The following CNTFR variants were observed in gnomAD, a reference collection of about 807,000 sequenced individuals.
CNTFR encodes the protein ciliary neurotrophic factor receptor, also known as ciliary neurotrophic factor receptor subunit alpha.
CNTFR carries 12 observed loss-of-function variants against 40.4 expected under a neutral mutation model. The ratio of observed to expected loss-of-function variants is 0.30; its 90% CI spans 0.19 to 0.48. CNTFR has a LOEUF of 0.48. Ranked by LOEUF, CNTFR falls within the 20% of genes least tolerant of loss-of-function variation. The pLI, the probability that CNTFR is intolerant of heterozygous loss-of-function variation, is 0.99. For missense variants in CNTFR, 414 were observed against 506.8 expected (o/e 0.82, Z 1.76); for synonymous variants, 202 against 209.6 (o/e 0.96, Z 0.31).
intron 2 of CNTFR, among the ~76,000 whole-genome samples, chr9:34,580,531 C>T (rs1201461164): frequency 6.6e-6 from 1 of 152,212 alleles, no homozygotes; most frequent in Non-Finnish European, 1.5e-5. Context: ...GCCCGGCCGG[C>T]CTTTGTGGGC....
upstream of CNTFR, among the ~76,000 whole-genome samples, chr9:34,590,793 A>G (rs149568655): frequency 1.1e-4 from 17 of 152,328 alleles, no homozygotes; most frequent in Non-Finnish European, 2.4e-4. Flanking sequence ...GCTGCAACAT[A>G]GGAGAGTAAG....
rs1825642166 is a variant in CNTFR, at chr9:34,552,008, A to T, written c.*63T>A. 6.5e-6 allele frequency: 6 copies of T among 928,892 alleles called. No homozygotes were observed. Among genetic ancestry groups the T allele is most frequent in the Non-Finnish European group, 1.0e-5 (6 of 574,704 alleles). The allele number at this position is 928,892 out of a possible 1,614,324, so 57.5% of individuals were successfully genotyped here. A position where few individuals can be genotyped will look rare whatever the true frequency, so the allele number is the denominator to read the frequency against. On this transcript the variant is annotated 3_prime_UTR_variant, in exon 10 of 10. Coordinates refer to ENST00000378980, the MANE Select transcript of CNTFR (RefSeq NM_147164.3). This position sits in a 1 kb window ranked among gnomAD's most constrained non-coding sequence, Gnocchi z 5.1. The stretch of plus-strand genomic sequence containing the variant: ...GTGCAAAATAGAAACCGGGGTCTGC[A>T]GGCTCAGCTCCGGCCTCCTGCTCCT...
In CNTFR at chr9:34,552,016, C is replaced by T; in HGVS notation, c.*55G>A. 9.8e-7 allele frequency: 1 copy of T among 1,017,438 alleles called. No individual in the cohort carries two copies. Among genetic ancestry groups the T allele is most frequent in the Non-Finnish European group, 1.5e-6 (1 of 653,716 alleles). The allele number at this position is 1,017,438 out of a possible 1,614,324, so 63.0% of individuals were successfully genotyped here. On this transcript the variant is annotated 3_prime_UTR_variant, in exon 10 of 10. Coordinates refer to ENST00000378980, the MANE Select transcript of CNTFR (RefSeq NM_147164.3). This position sits in a 1 kb window ranked among gnomAD's most constrained non-coding sequence, Gnocchi z 5.1. ...TAGAAACCGGGGTCTGCAGGCTCAG[C>T]TCCGGCCTCCTGCTCCTCTGCAGGT...
At chr9:34,565,979 C>A (rs1826268694) in intron 3 of CNTFR, among the ~76,000 whole-genome samples, 1 of 152,170 alleles carries the variant, frequency 6.6e-6, no homozygotes, top group South Asian at 2.1e-4. Context: ...CTCGTTAACA[C>A]TCGCTTACAT....
chr9:34,563,170 C>G (rs1035261448), intron 4 of CNTFR, among the ~76,000 whole-genome samples: 5 of 152,220 alleles, frequency 3.3e-5, no homozygotes, highest in Non-Finnish European at 1.5e-5. Flanking sequence ...TCCCACTGAA[C>G]AGGTCTGCAG....
chr9:34,560,398 C>T (rs372623518), intron 4 of CNTFR, among the ~76,000 whole-genome samples: 19 of 152,162 alleles, frequency 1.2e-4, no homozygotes, highest in South Asian at 2.1e-4. Context: ...TTGCACGTGA[C>T]TCAGGGTGAG....
chr9:34,587,503 G>T (rs1268167071), intron 1 of CNTFR, among the ~76,000 whole-genome samples: 1 of 152,018 alleles, frequency 6.6e-6, no homozygotes, highest in African/African-American at 2.4e-5. Context: ...ACCCATGGAG[G>T]TCTAACCCCC....
chr9:34,566,314 G>A (rs936135385), intron 3 of CNTFR, among the ~76,000 whole-genome samples: 6 of 152,164 alleles, frequency 3.9e-5, no homozygotes, highest in Non-Finnish European at 8.8e-5. Context: ...CCCTGTCAGA[G>A]AAGAAGGAAG....
At chr9:34,589,961 G>A (rs1827711147), upstream of CNTFR, 2 of 151,992 alleles carry the variant, frequency 1.3e-5, no homozygotes, top group African/African-American at 4.9e-5. The surrounding 1 kb of genome is among the most constrained non-coding windows in gnomAD (Gnocchi z 4.4). Flanking sequence ...TGGCACACGC[G>A]GTCCGCTCGC....
chr9:34,576,160 C>T (rs1826951240), intron 2 of CNTFR, among the ~76,000 whole-genome samples: 1 of 152,212 alleles, frequency 6.6e-6, no homozygotes, highest in Admixed American at 6.5e-5. Flanking sequence ...CAGACACACC[C>T]AGGCAGCCTC....
intron 2 of CNTFR, among the ~76,000 whole-genome samples, chr9:34,578,571 C>CGGCCCCA (rs1462017341): frequency 1.3e-5 from 2 of 152,196 alleles, no homozygotes; most frequent in African/African-American, 4.8e-5. Flanking sequence ...ATGTGGGACC[C>CGGCCCCA]GGCCCCAGCT....
intron 2 of CNTFR, among the ~76,000 whole-genome samples, chr9:34,577,156 G>T (rs927762354): frequency 1.1e-4 from 16 of 152,184 alleles, no homozygotes; most frequent in Admixed American, 1.0e-3. Flanking sequence ...GAGTAGACGC[G>T]GAGTCGCTGT....
At chr9:34,569,630 C>A (rs1826488565) in intron 2 of CNTFR, 1 of 152,744 alleles carries the variant, frequency 6.5e-6, no homozygotes, top group Non-Finnish European at 1.5e-5. Flanking sequence ...AGCCTTGCCA[C>A]TGGGCCCTGA....
At position 34,552,396 on chromosome 9, in the gene CNTFR, G is replaced by A; in HGVS notation, c.950-67C>T. 1 of 1,439,280 alleles carries A rather than the reference G, an allele frequency of 6.9e-7. No individual in the cohort carries two copies. Among genetic ancestry groups the A allele is most frequent in the Non-Finnish European group, 9.3e-7 (1 of 1,077,116 alleles). The allele number at this position is 1,439,280 out of a possible 1,614,324, so 89.2% of individuals were successfully genotyped here. A position where few individuals can be genotyped will look rare whatever the true frequency, so the allele number is the denominator to read the frequency against. On this transcript the variant is annotated intron_variant, in intron 8 of 9. Transcript: ENST00000378980. The surrounding 1 kb of genome is among the most constrained non-coding windows in gnomAD (Gnocchi z 5.1). Reference sequence around the variant, plus strand: ...GTCCCATCCAGATCTGGGGGCTCATGAGACATACCATTCTGCTTCCTGCAT... The same window carrying A: ...GTCCCATCCAGATCTGGGGGCTCATAAGACATACCATTCTGCTTCCTGCAT...
intron 1 of CNTFR, among the ~76,000 whole-genome samples, chr9:34,586,228 G>A (rs1013761563): frequency 6.6e-6 from 1 of 152,172 alleles, no homozygotes; most frequent in African/African-American, 2.4e-5. Context: ...CTGCTCTTTT[G>A]GGGAACAGAG....
rs369645408 is a variant in CNTFR, at chr9:34,552,176, C to CTGGCAG, written c.1097_1102dup (p.Thr366_Ala367dup). On this transcript the variant is annotated inframe_insertion, in exon 9 of 10. Transcript: ENST00000378980. This position sits in a 1 kb window ranked among gnomAD's most constrained non-coding sequence, Gnocchi z 5.1. ...CTCAACCTACCAGATCAAGAGACTG[C>CTGGCAG]TGGCAGTGGCGGCAGCGGCAGCCAG... 2.9e-4 allele frequency: 458 copies of CTGGCAG among 1,597,730 alleles called. 1 individual carries two copies. The African/African-American group carries it at 5.7e-3, about 20-fold the overall frequency.
Position 34,551,871 on chromosome 9 carries a change from G to A in CNTFR, c.*200C>T. 1.5e-6 allele frequency: 1 copy of A among 681,344 alleles called. No homozygotes were observed. The allele number at this position is 681,344 out of a possible 1,614,324, so 42.2% of individuals were successfully genotyped here. ...TAGCTGCATGGCCCACCTCCCCTGA[G>A]GGAGGAAGGAGGGCCAGCTTGGTGC... is the stretch of plus-strand genomic sequence containing the variant. On this transcript the variant is annotated 3_prime_UTR_variant, in exon 10 of 10. Transcript: ENST00000378980.
In CNTFR at chr9:34,557,595, C is replaced by T. The variant is rs1446212493; in HGVS notation, c.535G>A (p.Val179Ile). Residue 179 changes from valine to isoleucine, a missense_variant, in exon 6 of 10, where the codon GTC becomes ATC. Physicochemically the swap from Val to Ile is conservative, Grantham distance 29. Transcript: ENST00000378980. The surrounding 1 kb of genome is among the most constrained non-coding windows in gnomAD (Gnocchi z 4.2). ...MHLFSTIKYK[V>I]SISVSNALGH... is the part of the protein sequence containing the mutation. The stretch of plus-strand genomic sequence containing the variant: ...AGGGCATTGCTGACACTTATGGAGA[C>T]CTTGTACTTGATGGTGGAGAACAGG... 4.3e-6 allele frequency: 7 copies of T among 1,614,082 alleles called. No homozygotes were observed. The highest frequency in any genetic ancestry group is 5.9e-6 in the Non-Finnish European group (7 of 1,180,048).
At chr9:34,576,605 A>T (rs1241763694) in intron 2 of CNTFR, among the ~76,000 whole-genome samples, 4 of 152,216 alleles carry the variant, frequency 2.6e-5, no homozygotes, top group Admixed American at 1.3e-4. Flanking sequence ...AAAATAAATG[A>T]TTATTCCCCA....
Sources: allele counts gnomAD v4.1 joint callset (sites outside exome capture counted in the v4.1 genomes callset), GRCh38; gene constraint gnomAD v4.1.1; non-coding constraint Gnocchi (gnomAD v3.1); transcripts MANE v1.5; gene names NCBI Gene and HGNC (gene_info 2026-07-23, HGNC 2026-07-21).